Variants in PDE4D observed in about 807,000 individuals in gnomAD.
PDE4D encodes 3',5'-cyclic-AMP phosphodiesterase 4D.
A neutral mutation model predicts 87.4 loss-of-function variants in PDE4D; 24 were observed. The observed-to-expected ratio is 0.27, with a 90% CI of 0.20 to 0.39. PDE4D has a LOEUF of 0.39. Among genes scored for constraint, PDE4D ranks in the 10% least tolerant of loss-of-function variants. The pLI is 1.00. For missense variants in PDE4D, 714 were observed against 1,041.0 expected, an observed-to-expected ratio of 0.69 and a Z score of 4.32; for synonymous variants, 384 against 383.2, an observed-to-expected ratio of 1.00 and a Z score of -0.02.
intron 1 of PDE4D, among the ~76,000 whole-genome samples, chr5:60,366,422 A>G (rs905976896): frequency 3.9e-5 from 6 of 152,204 alleles, no homozygotes; most frequent in Admixed American, 1.3e-4. Context: ...TTCAAGCATA[A>G]GGCACTTGGG....
chr5:59,929,719 T>G (rs1755684898), intron 3 of PDE4D, among the ~76,000 whole-genome samples: 1 of 152,126 alleles, frequency 6.6e-6, no homozygotes, highest in African/African-American at 2.4e-5. Flanking sequence ...TTGGAGAGGA[T>G]TTTTCTAACA....
At chr5:60,122,872 G>A (rs951067595) in intron 2 of PDE4D, among the ~76,000 whole-genome samples, 4 of 152,100 alleles carry the variant, frequency 2.6e-5, no homozygotes, top group African/African-American at 4.8e-5. Flanking sequence ...TTATAAAACT[G>A]AGTGCCTTTA....
At chr5:60,286,430 G>A (rs1317354203) in intron 1 of PDE4D, among the ~76,000 whole-genome samples, 5 of 152,148 alleles carry the variant, frequency 3.3e-5, no homozygotes, top group African/African-American at 7.2e-5. Flanking sequence ...AAGATAGACA[G>A]ACATTTGTTT....
chr5:59,145,522 T>C (rs904244942), intron 5 of PDE4D, among the ~76,000 whole-genome samples: 2 of 152,188 alleles, frequency 1.3e-5, no homozygotes, highest in African/African-American at 4.8e-5. Context: ...TCCCAATGAA[T>C]GGATTTAAAA....
chr5:60,129,358 C>T (rs1199781952), intron 2 of PDE4D, among the ~76,000 whole-genome samples: 1 of 152,106 alleles, frequency 6.6e-6, no homozygotes, highest in East Asian at 1.9e-4. Flanking sequence ...AAAAGTTCTA[C>T]AGGTAGAGAG....
chr5:59,386,030 G>A (rs1398290077), intron 1 of PDE4D, among the ~76,000 whole-genome samples: 1 of 152,140 alleles, frequency 6.6e-6, no homozygotes, highest in African/African-American at 2.4e-5. Context: ...GGTAGGGTGT[G>A]CGGGTAGAAA....
At chr5:60,422,556 G>A (rs965893214) in intron 1 of PDE4D, among the ~76,000 whole-genome samples, 1 of 152,172 alleles carries the variant, frequency 6.6e-6, no homozygotes, top group Non-Finnish European at 1.5e-5. Context: ...ACTAAACATG[G>A]AAAGGAACAA....
intron 1 of PDE4D, among the ~76,000 whole-genome samples, chr5:59,486,201 G>A (rs1805116532): frequency 6.6e-6 from 1 of 152,008 alleles, no homozygotes; most frequent in South Asian, 2.1e-4. Context: ...TAATAGATGT[G>A]GCACCTCTGG....
At chr5:60,281,050 C>G (rs1269495335) in intron 1 of PDE4D, among the ~76,000 whole-genome samples, 1 of 152,174 alleles carries the variant, frequency 6.6e-6, no homozygotes, top group Non-Finnish European at 1.5e-5. Context: ...CATTGTCAAA[C>G]TAGTTTAGAA....
At chr5:59,037,554 G>A (rs1393155362) in intron 6 of PDE4D, among the ~76,000 whole-genome samples, 2 of 152,182 alleles carry the variant, frequency 1.3e-5, no homozygotes, top group Non-Finnish European at 2.9e-5. Flanking sequence ...GCAATAATTG[G>A]TCATTCTGAT....
At position 59,090,382 on chromosome 5, in the gene PDE4D, G is replaced by A. The variant is rs537607963; in HGVS notation, c.809-51411C>T. 9.2e-5 allele frequency among the ~76,000 whole-genome samples: 14 copies of A among 152,200 alleles called. 1 individual carries two copies. In the South Asian group the frequency reaches 2.7e-3, roughly 29 times the overall value. ...TCTGTTCGCAGCTTTGTGCCTTGTC[G>A]ATAAAGCAGTGGACATCTCTCCACA... On this transcript the variant is annotated intron_variant, in intron 5 of 14. Coordinates refer to ENST00000340635, the MANE Select transcript of PDE4D (RefSeq NM_001104631.2).
chr5:59,959,935 G>A (rs889258025), intron 3 of PDE4D, among the ~76,000 whole-genome samples: 1 of 151,998 alleles, frequency 6.6e-6, no homozygotes, highest in South Asian at 2.1e-4. Context: ...GAAAATATTT[G>A]CAAACTATGC....
chr5:59,701,202 A>G (rs924482279), intron 1 of PDE4D, among the ~76,000 whole-genome samples: 1 of 152,032 alleles, frequency 6.6e-6, no homozygotes, highest in South Asian at 2.1e-4. Flanking sequence ...TCCACCCTAC[A>G]TTCATTCTTT....
intron 1 of PDE4D, among the ~76,000 whole-genome samples, chr5:59,567,959 C>G (rs975758000): frequency 1.3e-5 from 2 of 152,138 alleles, no homozygotes; most frequent in African/African-American, 4.8e-5. Flanking sequence ...CTTGCTCTGT[C>G]AGCCAAGAAG....
chr5:59,388,101 T>C (rs898751158), intron 1 of PDE4D, among the ~76,000 whole-genome samples: 2 of 152,206 alleles, frequency 1.3e-5, no homozygotes, highest in Middle Eastern at 3.4e-3. Context: ...GATTCATCCA[T>C]GTGATCCCAA....
At chr5:60,230,022 G>A (rs1364036632) in intron 1 of PDE4D, among the ~76,000 whole-genome samples, 2 of 152,090 alleles carry the variant, frequency 1.3e-5, no homozygotes, top group Non-Finnish European at 2.9e-5. Flanking sequence ...TGTTTGGATA[G>A]TGCTGACCAC....
At chr5:59,512,363 T>C (rs1217628833) in intron 1 of PDE4D, among the ~76,000 whole-genome samples, 1 of 152,200 alleles carries the variant, frequency 6.6e-6, no homozygotes, top group African/African-American at 2.4e-5. Context: ...GCATGTCTAA[T>C]GCAGAATCAC....
chr5:59,438,002 A>C (rs939843438), intron 1 of PDE4D, among the ~76,000 whole-genome samples: 6 of 152,176 alleles, frequency 3.9e-5, no homozygotes, highest in Non-Finnish European at 4.4e-5. Context: ...AAACACTAGA[A>C]GCTTATAAAA....
At chr5:60,486,161 A>G (rs1749121633) in intron 1 of PDE4D, among the ~76,000 whole-genome samples, 1 of 152,190 alleles carries the variant, frequency 6.6e-6, no homozygotes, top group Non-Finnish European at 1.5e-5. Flanking sequence ...CAACTCTACT[A>G]CTTCTTACTC....
Sources: gnomAD v4.1 joint callset for allele counts (sites outside exome capture counted in the v4.1 genomes callset) on GRCh38, gnomAD v4.1.1 for gene constraint, MANE v1.5 for transcripts, NCBI Gene and HGNC (gene_info 2026-07-23, HGNC 2026-07-21) for gene names.